AJAP1: variants seen among roughly 807,000 people sequenced by gnomAD.
AJAP1 encodes adherens junctions associated protein 1, also known as adherens junction-associated protein 1.
A neutral mutation model predicts 35.0 loss-of-function variants in AJAP1; 5 were observed. The ratio of observed to expected loss-of-function variants is 0.14; its 90% CI spans 0.07 to 0.30. The LOEUF (loss-of-function observed/expected upper bound fraction) is 0.30. AJAP1 is among the 10% of genes least tolerant of loss of function. The pLI is 1.00. For missense variants in AJAP1, 586 were observed against 571.0 expected (o/e 1.03, Z -0.27); for synonymous variants, 284 against 249.3 (o/e 1.14, Z -1.31).
chr1:4,666,218 C>T (rs911013752), intron 1 of AJAP1, among the ~76,000 whole-genome samples: 17 of 151,956 alleles, frequency 1.1e-4, no homozygotes, highest in Admixed American at 3.9e-4. Context: ...AGGGGCACCC[C>T]GCAGTGAAAT....
intron 2 of AJAP1, among the ~76,000 whole-genome samples, chr1:4,731,583 G>A (rs1027555663): frequency 1.6e-4 from 25 of 152,142 alleles, no homozygotes; most frequent in African/African-American, 5.6e-4. Flanking sequence ...AGGAGTTAAG[G>A]GAACAGCTTG....
intron 1 of AJAP1, among the ~76,000 whole-genome samples, chr1:4,699,396 C>T (rs748432484): frequency 6.6e-6 from 1 of 152,206 alleles, no homozygotes; most frequent in Non-Finnish European, 1.5e-5. Flanking sequence ...GCATGCATAC[C>T]GAGTTTCGTA....
chr1:4,742,849 T>G (rs948294290), intron 2 of AJAP1, among the ~76,000 whole-genome samples: 6 of 152,214 alleles, frequency 3.9e-5, no homozygotes, highest in Non-Finnish European at 7.3e-5. Context: ...GTTGCTGCAC[T>G]ATGAATGGTC....
At chr1:4,772,663 C>A in intron 4 of AJAP1, 138 bp downstream of exon 4, 3 of 1,286,976 alleles carry the variant, frequency 2.3e-6, no homozygotes, top group Non-Finnish European at 2.1e-6. Flanking sequence ...CCAGCCAAGG[C>A]GGACAGCTAA....
In AJAP1 at chr1:4,723,586, T is replaced by C. The variant is rs922349312; in HGVS notation, c.829+10887T>C. On this transcript the variant is annotated intron_variant, in intron 2 of 5. Transcript: ENST00000378191. The surrounding 1 kb of genome is among the most constrained non-coding windows in gnomAD (Gnocchi z 4.3). ...CCAGAGACATGAAAGAGGCCACTTT[T>C]GTGAGGTGGAGGCTGCTGGAGACGT... Among the ~76,000 whole-genome samples, 1 of 151,908 alleles carries C rather than the reference T, an allele frequency of 6.6e-6. No homozygotes were observed. The highest frequency in any genetic ancestry group is 1.5e-5 in the Non-Finnish European group (1 of 67,980).
intron 2 of AJAP1, among the ~76,000 whole-genome samples, chr1:4,763,051 C>A (rs760815): frequency 0.72 from 110,245 of 152,082 alleles, 40,717 homozygotes; most frequent in Non-Finnish European, 0.77. Context: ...ACCTCACCCT[C>A]TGAGGCACAC....
chr1:4,762,510 T>G (rs1167128663), intron 2 of AJAP1, among the ~76,000 whole-genome samples: 3 of 152,248 alleles, frequency 2.0e-5, no homozygotes, highest in African/African-American at 7.2e-5. Flanking sequence ...CCAAGGGAGC[T>G]TCCCCGATAT....
At position 4,693,908 on chromosome 1, in the gene AJAP1, A is replaced by G. The variant is rs529007547; in HGVS notation, c.30-17992A>G. On this transcript the variant is annotated intron_variant, in intron 1 of 5. Transcript: ENST00000378191. This position sits in a 1 kb window ranked among gnomAD's most constrained non-coding sequence, Gnocchi z 4.4. Reference sequence around the variant, plus strand: ...GGCCCCCTCACCTCTTACAGGTCCCACCTCAGTGCTGTGGCACAGGGATTA... The same window carrying G: ...GGCCCCCTCACCTCTTACAGGTCCCGCCTCAGTGCTGTGGCACAGGGATTA... Among the ~76,000 whole-genome samples, 1 of 152,164 alleles carries G rather than the reference A, an allele frequency of 6.6e-6. No homozygotes were observed. The highest frequency in any genetic ancestry group is 1.5e-5 in the Non-Finnish European group (1 of 68,010).
Position 4,727,740 on chromosome 1 carries a change from A to G in AJAP1, c.829+15041A>G, listed in dbSNP as rs181206489. ...GTAGCAGCAGTGATGGGACTCTCCC[A>G]TGTTTAGTAATTTAAGTCTCCATAC... On this transcript the variant is annotated intron_variant, in intron 2 of 5. Transcript: ENST00000378191. 5.8e-4 allele frequency among the ~76,000 whole-genome samples: 89 copies of G among 152,246 alleles called. 2 individuals carry two copies. In the East Asian group the frequency reaches 0.016, roughly 27 times the overall value.
In AJAP1 at chr1:4,785,827, T is replaced by C. The variant is rs1642152161; in HGVS notation, c.*3342T>C. 6.6e-6 allele frequency: 1 copy of C among 152,138 alleles called. No homozygotes were observed. Among genetic ancestry groups the C allele is most frequent in the East Asian group, 1.9e-4 (1 of 5,188 alleles). The allele number at this position is 152,138 out of a possible 1,614,324, so 9.4% of individuals were successfully genotyped here. A position where few individuals can be genotyped will look rare whatever the true frequency, so the allele number is the denominator to read the frequency against. On this transcript the variant is annotated 3_prime_UTR_variant, in exon 6 of 6. Transcript: ENST00000378191. ...GATGTGGTTTGTTAGGGTTCCCCAG[T>C]TTTCGTCCACTTCCATCTTATTCCT...
Position 4,692,228 on chromosome 1 carries a change from T to TGCTGCCTCCCGCC in AJAP1, c.30-19658_30-19646dup, listed in dbSNP as rs1386048739. 1.3e-5 allele frequency among the ~76,000 whole-genome samples: 2 copies of TGCTGCCTCCCGCC among 152,244 alleles called. No individual in the cohort carries two copies. Among genetic ancestry groups the TGCTGCCTCCCGCC allele is most frequent in the East Asian group, 1.9e-4 (1 of 5,142 alleles). ...CTCACTGTGCCAGGCAGGCTCCTGCTGCTGCCTCCCGCCGCTGCCTCCCGC... is the reference window on the plus strand; with the variant it reads ...CTCACTGTGCCAGGCAGGCTCCTGCTGCTGCCTCCCGCCGCTGCCTCCCGCCGCTGCCTCCCGC... On this transcript the variant is annotated intron_variant, in intron 1 of 5. Transcript: ENST00000378191. This position sits in a 1 kb window ranked among gnomAD's most constrained non-coding sequence, Gnocchi z 4.4.
chr1:4,665,290 A>G (rs1639091903), intron 1 of AJAP1, among the ~76,000 whole-genome samples: 1 of 152,084 alleles, frequency 6.6e-6, no homozygotes, highest in Non-Finnish European at 1.5e-5. Flanking sequence ...TGTTGATGGA[A>G]TGGCCCCATT....
chr1:4,726,533 G>C (rs899944258), intron 2 of AJAP1, among the ~76,000 whole-genome samples: 6 of 152,128 alleles, frequency 3.9e-5, no homozygotes, highest in Non-Finnish European at 7.3e-5. Context: ...TCCGGTTGTG[G>C]GGTCTGGGCC....
chr1:4,709,364 T>G (rs1361747252), intron 1 of AJAP1, among the ~76,000 whole-genome samples: 1 of 151,624 alleles, frequency 6.6e-6, no homozygotes, highest in Non-Finnish European at 1.5e-5. Context: ...TGGAGTCTGG[T>G]GCAGTCTGGT....
intron 2 of AJAP1, among the ~76,000 whole-genome samples, chr1:4,768,922 C>T (rs1641759024): frequency 6.6e-6 from 1 of 152,188 alleles, no homozygotes; most frequent in South Asian, 2.1e-4. Context: ...GGCCTGCCCT[C>T]CTGTTTCCCC....
rs774409809 is a variant in AJAP1, at chr1:4,788,027, T to C, written c.*5542T>C. 19 of 297,448 alleles carry C rather than the reference T, an allele frequency of 6.4e-5. No homozygotes were observed. The highest frequency in any genetic ancestry group is 9.4e-5 in the Non-Finnish European group (14 of 149,620). The allele number at this position is 297,448 out of a possible 1,614,324, so 18.4% of individuals were successfully genotyped here. A position where few individuals can be genotyped will look rare whatever the true frequency, so the allele number is the denominator to read the frequency against. ...TTATTTGTTTGTTTTCTAGTGTAAA[T>C]AGCACAGCCCACATAAATGAGCGAA... On this transcript the variant is annotated 3_prime_UTR_variant, in exon 6 of 6. Coordinates refer to ENST00000378191, the MANE Select transcript of AJAP1 (RefSeq NM_018836.4).
chr1:4,720,889 G>T lies in AJAP1; in HGVS notation c.829+8190G>T, dbSNP rs1640501484. On this transcript the variant is annotated intron_variant, in intron 2 of 5. Transcript: ENST00000378191. This position sits in a 1 kb window ranked among gnomAD's most constrained non-coding sequence, Gnocchi z 4.4. ...GCCTCAGTTCTCACTGTGGTGGTCAGACCTACCTCAGGAAGCCCTCAGCCT... is the reference window on the plus strand; with the variant it reads ...GCCTCAGTTCTCACTGTGGTGGTCATACCTACCTCAGGAAGCCCTCAGCCT... Among the ~76,000 whole-genome samples the T allele has an allele frequency of 6.6e-6, 1 of 152,170 alleles. No homozygotes were observed. Among genetic ancestry groups the T allele is most frequent in the Non-Finnish European group, 1.5e-5 (1 of 68,050 alleles).
chr1:4,710,962 G>C (rs1251351254), intron 1 of AJAP1, among the ~76,000 whole-genome samples: 1 of 152,200 alleles, frequency 6.6e-6, no homozygotes, highest in Non-Finnish European at 1.5e-5. Flanking sequence ...CAGCCCCGCT[G>C]CGTGGAGAGG....
intron 2 of AJAP1, among the ~76,000 whole-genome samples, chr1:4,758,345 G>A (rs423796): frequency 0.75 from 113,370 of 152,036 alleles, 43,011 homozygotes; most frequent in African/African-American, 0.8. Flanking sequence ...TCACACTGCT[G>A]TAAAGAAATA....
Sources: gnomAD v4.1 joint callset for allele counts (sites outside exome capture counted in the v4.1 genomes callset) on GRCh38, gnomAD v4.1.1 for gene constraint, Gnocchi (gnomAD v3.1) non-coding constraint, MANE v1.5 for transcripts, NCBI Gene and HGNC (gene_info 2026-07-23, HGNC 2026-07-21) for gene names.